The following PCDHGB3 variants were observed in gnomAD, a reference collection of about 807,000 sequenced individuals.
PCDHGB3 encodes protocadherin gamma-B3.
Under a neutral mutation model 59.2 loss-of-function variants are expected in PCDHGB3, and 40 were observed. The ratio of observed to expected loss-of-function variants is 0.68; its 90% CI spans 0.52 to 0.88. The LOEUF (loss-of-function observed/expected upper bound fraction) is 0.88. PCDHGB3 is among the 40% of genes least tolerant of loss of function. The pLI, the probability that PCDHGB3 is intolerant of heterozygous loss-of-function variation, is 0.00. For synonymous variants in PCDHGB3, 581 were observed against 503.6 expected, an observed-to-expected ratio of 1.15 and a Z score of -2.06; for missense variants, 1,309 against 1,187.9, an observed-to-expected ratio of 1.10 and a Z score of -1.50.
At chr5:141,462,800 A>C (rs1039129881) in intron 1 of PCDHGB3, among the ~76,000 whole-genome samples, 2 of 152,128 alleles carry the variant, frequency 1.3e-5, no homozygotes, top group Non-Finnish European at 2.9e-5. Flanking sequence ...TTGCATGTCT[A>C]ATAATGTTTT....
chr5:141,478,847 AAC>A (rs2099480409), intron 1 of PCDHGB3: 1 of 1,389,782 alleles, frequency 7.2e-7, no homozygotes, highest in South Asian at 1.5e-5. Context: ...GTTAAGCTAA[AAC>A]ACAAGATCTC....
At chr5:141,375,948 A>C in intron 1 of PCDHGB3, 1 of 1,613,556 alleles carries the variant, frequency 6.2e-7, no homozygotes, top group Non-Finnish European at 8.5e-7. Context: ...GTGGGCCTGC[A>C]CACGGGCGAG....
intron 1 of PCDHGB3, chr5:141,418,857 T>G (rs1378155402): frequency 6.2e-7 from 1 of 1,613,988 alleles, no homozygotes; most frequent in South Asian, 1.1e-5. Context: ...CGGTGTAAAG[T>G]AATTGTAGAA....
chr5:141,421,118 T>C (rs572827470), intron 1 of PCDHGB3: 2 of 771,948 alleles, frequency 2.6e-6, no homozygotes, highest in Non-Finnish European at 2.0e-6. Context: ...GTATTTTCCT[T>C]CGCTTTCTGA....
chr5:141,510,420 G>T (rs1275392355), intron 3 of PCDHGB3, among the ~76,000 whole-genome samples: 3 of 152,126 alleles, frequency 2.0e-5, no homozygotes, highest in African/African-American at 7.2e-5. Flanking sequence ...TAAAGCCATG[G>T]TTTCATGGCT....
Position 141,370,668 on chromosome 5 carries a change from C to CGA in PCDHGB3, c.278_279dup (p.Glu94ArgfsTer22), listed in dbSNP as rs1767111229. On this transcript the variant is annotated frameshift_variant, in exon 1 of 4. Coordinates refer to ENST00000576222, the MANE Select transcript of PCDHGB3 (RefSeq NM_018924.5). LOFTEE classifies it high-confidence loss of function. ...CTTACTTGTGAGCGACCGTATAGAC[C>CGA]GAGAGGAGATTTGTGGCAAGAAGTC... 8 of 1,613,644 alleles carry CGA rather than the reference C, an allele frequency of 5.0e-6. No individual in the cohort carries two copies. Among genetic ancestry groups the CGA allele is most frequent in the Non-Finnish European group, 5.9e-6 (7 of 1,179,880 alleles).
intron 1 of PCDHGB3, among the ~76,000 whole-genome samples, chr5:141,459,690 C>A (rs1338211972): frequency 6.6e-6 from 1 of 152,174 alleles, no homozygotes; most frequent in African/African-American, 2.4e-5. Context: ...ATAAAGCGTT[C>A]CGCTTGCTAC....
intron 1 of PCDHGB3, chr5:141,430,850 A>T (rs1204872595): frequency 6.3e-7 from 1 of 1,582,670 alleles, no homozygotes; most frequent in South Asian, 1.2e-5. Context: ...ATGCACCCAG[A>T]TACGCTATTC....
At chr5:141,399,466 G>A (rs1229342978) in intron 1 of PCDHGB3, 5 of 1,613,886 alleles carry the variant, frequency 3.1e-6, no homozygotes, top group East Asian at 4.5e-5. Context: ...TAACGCTCCG[G>A]TTTTCCACCA....
intron 1 of PCDHGB3, chr5:141,403,621 C>T: frequency 6.2e-7 from 1 of 1,613,926 alleles, no homozygotes; most frequent in Non-Finnish European, 8.5e-7. Flanking sequence ...CGCGTCGCTC[C>T]AGCACAGTGC....
chr5:141,421,446 A>G, intron 1 of PCDHGB3: 1 of 1,614,106 alleles, frequency 6.2e-7, no homozygotes, highest in Non-Finnish European at 8.5e-7. Flanking sequence ...GAGGGAAGAC[A>G]CAGCTTTTCG....
chr5:141,421,425 C>T, intron 1 of PCDHGB3: 1 of 1,614,100 alleles, frequency 6.2e-7, no homozygotes, highest in Non-Finnish European at 8.5e-7. Context: ...GCGGAGTCCG[C>T]ATCGTCTCCA....
chr5:141,371,227 T>C lies in PCDHGB3; in HGVS notation c.833T>C (p.Ile278Thr), dbSNP rs1767587873. 6.2e-7 allele frequency: 1 copy of C among 1,613,932 alleles called. No individual in the cohort carries two copies. Among genetic ancestry groups the C allele is most frequent in the African/African-American group, 1.3e-5 (1 of 74,948 alleles). Residue 278 changes from isoleucine (I) to threonine (T), a missense_variant, in exon 1 of 4, where the codon ATC (isoleucine) becomes ACC (threonine). Ile to Thr is a moderately conservative substitution (Grantham distance 89). Coordinates refer to ENST00000576222, the MANE Select transcript of PCDHGB3 (RefSeq NM_018924.5). ...DMDEGINAEI[I>T]YAFINIGKEV... ...GATGAGGGCATCAATGCCGAAATCA[T>C]CTATGCCTTCATCAATATTGGCAAG... is the stretch of plus-strand genomic sequence containing the variant.
chr5:141,478,396 G>T (rs150499152), intron 1 of PCDHGB3: 2 of 1,613,446 alleles, frequency 1.2e-6, no homozygotes, highest in African/African-American at 2.7e-5. Flanking sequence ...ACCATCAGGT[G>T]TATCTCACCA....
Position 141,485,856 on chromosome 5 carries a change from T to C in PCDHGB3, c.2416-8951T>C. ...CCGCCGAGATCTGGCACCGCAGAGC[T>C]CCGGGTATCCGTGCTGGACGTAAAC... is the stretch of plus-strand genomic sequence containing the variant. On this transcript the variant is annotated intron_variant, in intron 1 of 3. Coordinates refer to ENST00000576222, the MANE Select transcript of PCDHGB3 (RefSeq NM_018924.5). The surrounding 1 kb of genome is among the most constrained non-coding windows in gnomAD (Gnocchi z 5.7). 1 of 1,614,108 alleles carries C rather than the reference T, an allele frequency of 6.2e-7. No individual in the cohort carries two copies. The highest frequency in any genetic ancestry group is 8.5e-7 in the Non-Finnish European group (1 of 1,180,014).
At chr5:141,389,860 A>G (rs1274502656) in intron 1 of PCDHGB3, 2 of 1,614,052 alleles carry the variant, frequency 1.2e-6, no homozygotes, top group African/African-American at 2.7e-5. Flanking sequence ...GCCACGTTGC[A>G]CCTGGTCTTC....
intron 1 of PCDHGB3, chr5:141,399,788 A>T: frequency 6.2e-7 from 1 of 1,613,174 alleles, no homozygotes; most frequent in South Asian, 1.1e-5. Context: ...CGAAACGACA[A>T]CGCACCGCGG....
chr5:141,421,784 G>C, intron 1 of PCDHGB3: 1 of 1,613,874 alleles, frequency 6.2e-7, no homozygotes, highest in Non-Finnish European at 8.5e-7. Context: ...CTGCGGGGCA[G>C]AACGGATGGG....
chr5:141,392,145 C>T (rs2150471723), intron 1 of PCDHGB3: 1 of 152,264 alleles, frequency 6.6e-6, no homozygotes, highest in East Asian at 1.9e-4. Context: ...GTAGTTTAAA[C>T]CAAATAAAAC....
Sources: allele counts gnomAD v4.1 joint callset (sites outside exome capture counted in the v4.1 genomes callset), GRCh38; gene constraint gnomAD v4.1.1; non-coding constraint Gnocchi (gnomAD v3.1); transcripts MANE v1.5; gene names NCBI Gene and HGNC (gene_info 2026-07-23, HGNC 2026-07-21).